The following OCA2 variants were observed in gnomAD, a reference collection of about 807,000 sequenced individuals.
The protein encoded by OCA2 is OCA2 melanosomal transmembrane protein, also known as P protein.
In OCA2, 77 loss-of-function variants were observed where a neutral mutation model predicts 100.2. The ratio of observed to expected loss-of-function variants is 0.77; its 90% CI spans 0.64 to 0.93. OCA2 has a LOEUF of 0.93. Among genes scored for constraint, OCA2 ranks in the 40% least tolerant of loss-of-function variants. OCA2 has a pLI of 0.00. For missense variants in OCA2, 1,062 were observed against 1,089.1 expected (o/e 0.98, Z 0.35); for synonymous variants, 432 against 439.2 (o/e 0.98, Z 0.21).
chr15:28,014,801 C>T lies in OCA2; in HGVS notation c.1019G>A (p.Gly340Asp). The change falls in exon 9 of 24, where the codon GGC (glycine) becomes GAC (aspartate). Residue 340 changes from glycine to aspartate, a missense_variant. Coordinates refer to ENST00000354638, the MANE Select transcript of OCA2 (RefSeq NM_000275.3). The part of the protein sequence containing the change: ...QVTIATAILA[G>D]VYALIIFEIV... ...CTCAAATATGATCAGCGCGTAGACG[C>T]CCGCGAGGATGGCCGTCGCGATGGT... is the stretch of plus-strand genomic sequence containing the variant. 1 of 1,613,956 alleles carries T rather than the reference C, an allele frequency of 6.2e-7. No individual in the cohort carries two copies. The highest frequency in any genetic ancestry group is 8.5e-7 in the Non-Finnish European group (1 of 1,180,020).
At chr15:28,060,379 G>T (rs1027210064) in intron 2 of OCA2, among the ~76,000 whole-genome samples, 20 of 152,188 alleles carry the variant, frequency 1.3e-4, no homozygotes, top group African/African-American at 4.1e-4. Context: ...TTTAATCCTA[G>T]CTTGAAATAC....
intron 12 of OCA2, among the ~76,000 whole-genome samples, 161 bp from the exon 13 acceptor site, chr15:27,985,349 GT>G (rs2041318939): frequency 6.6e-6 from 1 of 152,174 alleles, no homozygotes; most frequent in South Asian, 2.1e-4. Context: ...AGATGAGACA[GT>G]GCTGGCCATC....
intron 23 of OCA2, among the ~76,000 whole-genome samples, chr15:27,799,395 A>C (rs1411928503): frequency 6.6e-6 from 1 of 152,206 alleles, no homozygotes; most frequent in African/African-American, 2.4e-5. Context: ...AAAAATAGGG[A>C]GGAAAGGAGT....
intron 23 of OCA2, among the ~76,000 whole-genome samples, chr15:27,836,748 G>A (rs2035168299): frequency 6.6e-6 from 1 of 152,166 alleles, no homozygotes; most frequent in African/African-American, 2.4e-5. Context: ...GTTAGTCAAT[G>A]GTAATGATCC....
intron 23 of OCA2, among the ~76,000 whole-genome samples, chr15:27,760,021 G>C (rs2030705642): frequency 6.6e-6 from 1 of 151,918 alleles, no homozygotes; most frequent in Admixed American, 6.5e-5. Context: ...CTTACCATAA[G>C]CAATCAAACT....
At chr15:27,838,279 C>G (rs2035227852) in intron 23 of OCA2, among the ~76,000 whole-genome samples, 1 of 152,050 alleles carries the variant, frequency 6.6e-6, no homozygotes. Context: ...AAGAAAAACA[C>G]CAAATCATGT....
intron 14 of OCA2, among the ~76,000 whole-genome samples, chr15:27,979,419 A>C (rs190862760): frequency 6.6e-6 from 1 of 152,148 alleles, no homozygotes; most frequent in African/African-American, 2.4e-5. Context: ...TAAACTATTT[A>C]TATGTTATGT....
chr15:27,833,739 G>T (rs1382059186), intron 23 of OCA2, among the ~76,000 whole-genome samples: 1 of 152,130 alleles, frequency 6.6e-6, no homozygotes, highest in African/African-American at 2.4e-5. Flanking sequence ...TTTCCCCTTA[G>T]ACGACTCTAT....
In OCA2 at chr15:27,810,983, G is replaced by A. The variant is rs532089756; in HGVS notation, c.2432+33976C>T. 1.7e-4 allele frequency among the ~76,000 whole-genome samples: 26 copies of A among 152,260 alleles called. No individual in the cohort carries two copies. In the South Asian group the frequency reaches 3.5e-3, roughly 21 times the overall value. ...ATAGGGATTCCTTAGAGAACTAAAAGTAGATCTACCATTTGATCCAGCAAT... is the reference window on the plus strand; with the variant it reads ...ATAGGGATTCCTTAGAGAACTAAAAATAGATCTACCATTTGATCCAGCAAT... On this transcript the variant is annotated intron_variant, in intron 23 of 23. Coordinates refer to ENST00000354638, the MANE Select transcript of OCA2 (RefSeq NM_000275.3).
chr15:27,829,624 T>C (rs933153499), intron 23 of OCA2, among the ~76,000 whole-genome samples: 1 of 152,316 alleles, frequency 6.6e-6, no homozygotes, highest in Middle Eastern at 3.4e-3. Flanking sequence ...GTGTGAGCTG[T>C]GGCTGTGGCC....
At chr15:27,871,789 T>C in intron 20 of OCA2, 74 bp downstream of exon 20, 1 of 506,010 alleles carries the variant, frequency 2.0e-6, no homozygotes, top group Non-Finnish European at 3.1e-6. Context: ...ACCAGAGTGC[T>C]TTTTTTTTTT....
rs1212481053 is a variant in OCA2, at chr15:27,951,900, A to C, written c.1843-8T>G. 2.5e-6 allele frequency: 4 copies of C among 1,586,168 alleles called. No homozygotes were observed. The African/African-American group carries it at 5.4e-5, about 21-fold the overall frequency. ...CCCGTCAGATATCCTATGCTGTAAG[A>C]GAGAAACCACAGCTCATTTACTCTG... On this transcript the variant is annotated splice_region_variant and splice_polypyrimidine_tract_variant and intron_variant, in intron 17 of 23. Transcript: ENST00000354638.
intron 18 of OCA2, among the ~76,000 whole-genome samples, chr15:27,936,866 T>C (rs1316241367): frequency 2.6e-5 from 4 of 152,226 alleles, no homozygotes; most frequent in Non-Finnish European, 5.9e-5. Context: ...GCTTAGGAAA[T>C]GCCTCAATTA....
chr15:27,910,959 A>G (rs2038372082), intron 19 of OCA2, among the ~76,000 whole-genome samples: 1 of 152,024 alleles, frequency 6.6e-6, no homozygotes, highest in Non-Finnish European at 1.5e-5. Flanking sequence ...CCATCTAAAA[A>G]AAAAGAAAGA....
intron 23 of OCA2, among the ~76,000 whole-genome samples, chr15:27,784,220 A>G (rs1327867508): frequency 4.6e-5 from 7 of 152,214 alleles, no homozygotes; most frequent in African/African-American, 1.7e-4. Context: ...TGAGGACGGA[A>G]AACACATTGG....
At chr15:27,952,853 T>C (rs1239229322) in intron 17 of OCA2, among the ~76,000 whole-genome samples, 2 of 151,968 alleles carry the variant, frequency 1.3e-5, no homozygotes, top group Non-Finnish European at 2.9e-5. Flanking sequence ...CAGCTAGTTT[T>C]TGTATTTTTA....
chr15:28,070,628 C>A, intron 2 of OCA2, among the ~76,000 whole-genome samples: 1 of 148,630 alleles, frequency 6.7e-6, no homozygotes, highest in East Asian at 2.1e-4. Flanking sequence ...AGTGAGGAGC[C>A]CCTCTGCCCG....
chr15:27,788,554 C>T (rs1258998858), intron 23 of OCA2, among the ~76,000 whole-genome samples: 3 of 152,036 alleles, frequency 2.0e-5, no homozygotes, highest in African/African-American at 7.2e-5. Context: ...TTATCTTTTT[C>T]CTTCCTTTTA....
intron 14 of OCA2, among the ~76,000 whole-genome samples, chr15:27,972,986 C>T (rs2040854159): frequency 1.3e-5 from 2 of 151,922 alleles, no homozygotes; most frequent in Non-Finnish European, 2.9e-5. Context: ...CTGCCTCAGC[C>T]TCCCGAGTAG....
Sources: allele counts gnomAD v4.1 joint callset (sites outside exome capture counted in the v4.1 genomes callset), GRCh38; gene constraint gnomAD v4.1.1; transcripts MANE v1.5; gene names NCBI Gene and HGNC (gene_info 2026-07-23, HGNC 2026-07-21).